The following PEPD variants were observed in gnomAD, a reference collection of about 807,000 sequenced individuals.
The protein encoded by PEPD is xaa-Pro dipeptidase.
PEPD carries 53 observed loss-of-function variants against 60.7 expected under a neutral mutation model. The ratio of observed to expected loss-of-function variants is 0.87; its 90% CI spans 0.70 to 1.10. The LOEUF (loss-of-function observed/expected upper bound fraction) is 1.10, where lower values mean the gene tolerates loss of function less well. Among genes scored for constraint, PEPD ranks in the 50% least tolerant of loss-of-function variants. PEPD has a pLI of 0.00. For missense variants in PEPD, 711 were observed against 711.9 expected (o/e 1.00, Z 0.01); for synonymous variants, 267 against 284.1 (o/e 0.94, Z 0.60).
chr19:33,481,611 A>G (rs1172845705), intron 6 of PEPD, among the ~76,000 whole-genome samples: 1 of 152,170 alleles, frequency 6.6e-6, no homozygotes, highest in African/African-American at 2.4e-5. Flanking sequence ...ACAGACCTTA[A>G]CAAGAGATCA....
intron 9 of PEPD, among the ~76,000 whole-genome samples, chr19:33,425,593 ATTTATC>A (rs1345546431): frequency 6.6e-6 from 1 of 152,188 alleles, no homozygotes; most frequent in African/African-American, 2.4e-5. Context: ...TGCACTAGGT[ATTTATC>A]TTGAAGCGCT....
At chr19:33,497,225 A>G (rs925294607) in intron 4 of PEPD, among the ~76,000 whole-genome samples, 6 of 152,190 alleles carry the variant, frequency 3.9e-5, no homozygotes, top group African/African-American at 7.2e-5. Flanking sequence ...ATCGCTTCCG[A>G]TGCCTGTCCC....
chr19:33,504,258 G>A (rs1970760991), intron 3 of PEPD, among the ~76,000 whole-genome samples: 1 of 152,218 alleles, frequency 6.6e-6, no homozygotes, highest in Non-Finnish European at 1.5e-5. Flanking sequence ...GATTTGGTGG[G>A]GTTGATGAGA....
rs542490686 is a variant in PEPD, at chr19:33,500,827, G to T, written c.393+111C>A. ...GCGGCGCAGGGACTGGTGGCCAGGT[G>T]GTAGTGTCCCTGACATCCAGCAAGG... On this transcript the variant is annotated intron_variant, in intron 4 of 14. Transcript: ENST00000244137. 7.2e-5 allele frequency: 56 copies of T among 774,884 alleles called. 1 individual carries two copies. Among genetic ancestry groups the T allele is most frequent in the South Asian group, 5.8e-4 (43 of 74,438 alleles). The allele number at this position is 774,884 out of a possible 1,614,324, so 48.0% of individuals were successfully genotyped here. A position where few individuals can be genotyped will look rare whatever the true frequency, so the allele number is the denominator to read the frequency against.
At chr19:33,506,436 CCA>C (rs202246007) in intron 3 of PEPD, among the ~76,000 whole-genome samples, 1,458 of 144,452 alleles carry the variant, frequency 0.01, 32 homozygotes, top group African/African-American at 0.035. Flanking sequence ...CTACACACAC[CCA>C]CACACAACAC....
chr19:33,420,388 T>C (rs1157419599), intron 9 of PEPD, among the ~76,000 whole-genome samples: 2 of 152,154 alleles, frequency 1.3e-5, no homozygotes, highest in African/African-American at 4.8e-5. Flanking sequence ...CACAGATTAA[T>C]ATTTAATAAT....
chr19:33,402,306 C>T (rs769650642), intron 11 of PEPD, among the ~76,000 whole-genome samples: 2 of 152,242 alleles, frequency 1.3e-5, no homozygotes, highest in African/African-American at 2.4e-5. Context: ...GGTCTCCCTG[C>T]ACCCAGCACA....
rs113941720 is a variant in PEPD, at chr19:33,410,029, G to C, written c.818+1643C>G. 2.4e-4 allele frequency among the ~76,000 whole-genome samples: 36 copies of C among 152,370 alleles called. 2 individuals carry two copies. Among genetic ancestry groups the C allele is most frequent in the African/African-American group, 7.9e-4 (33 of 41,598 alleles). The stretch of plus-strand genomic sequence containing the variant: ...AGCCCCGAGCACGGTGGCTACGCAG[G>C]GGGGACTGGGGACTCGCCCACCATT... On this transcript the variant is annotated intron_variant, in intron 11 of 14. Coordinates refer to ENST00000244137, the MANE Select transcript of PEPD (RefSeq NM_000285.4).
rs571699576 is a variant in PEPD, at chr19:33,491,461, T to C, written c.442-1404A>G. Among the ~76,000 whole-genome samples the C allele has an allele frequency of 2.9e-4, 44 of 152,308 alleles. 2 individuals are homozygous for C. The South Asian group carries it at 7.3e-3, about 25-fold the overall frequency. ...CAAAACTCCATGTTTGAAATGTTTG[T>C]TCTTCAGTGCCATAAAGAAATAGCA... On this transcript the variant is annotated intron_variant, in intron 5 of 14. Transcript: ENST00000244137.
chr19:33,403,204 GAC>G (rs151144184), intron 11 of PEPD, among the ~76,000 whole-genome samples: 153 of 152,328 alleles, frequency 1.0e-3, no homozygotes, highest in Middle Eastern at 3.4e-3. Flanking sequence ...GCAGGCAGCA[GAC>G]ACAGAGCGGA....
rs768678894 is a variant in PEPD at position 33,401,883 on chromosome 19, A to T, written c.819-14T>A. The T allele has an allele frequency of 1.4e-5, 22 of 1,612,304 alleles. No homozygotes were observed. Among genetic ancestry groups the T allele is most frequent in the Non-Finnish European group, 1.9e-5 (22 of 1,179,612 alleles). ...ATGTCGAACAGGCTGCGGAGAGAGG[A>T]AGGCAGGGCAAGTGGGTACTGGGGT... is the stretch of plus-strand genomic sequence containing the variant. On this transcript the variant is annotated splice_polypyrimidine_tract_variant and intron_variant, in intron 11 of 14. Coordinates refer to ENST00000244137, the MANE Select transcript of PEPD (RefSeq NM_000285.4).
chr19:33,476,379 T>C (rs921742327), intron 7 of PEPD, among the ~76,000 whole-genome samples: 2 of 152,300 alleles, frequency 1.3e-5, no homozygotes, highest in African/African-American at 4.8e-5. Context: ...GTCCCAGATC[T>C]GCCCCGGTAT....
In PEPD at chr19:33,464,071, A is replaced by G. The variant is rs749076853; in HGVS notation, c.549-9T>C. On this transcript the variant is annotated splice_polypyrimidine_tract_variant and intron_variant, in intron 7 of 14. Transcript: ENST00000244137. ...CCGTCTTAAACACTCGGCTTCAGAGACAGAAGAACAAAGCAGCAAATCAGT... is the reference window on the plus strand; with the variant it reads ...CCGTCTTAAACACTCGGCTTCAGAGGCAGAAGAACAAAGCAGCAAATCAGT... 1.1e-5 allele frequency: 17 copies of G among 1,605,990 alleles called. 1 individual carries two copies. In the South Asian group the frequency reaches 1.3e-4, roughly 12 times the overall value.
intron 1 of PEPD, among the ~76,000 whole-genome samples, chr19:33,516,472 G>A (rs1971024525): frequency 6.6e-6 from 1 of 152,042 alleles, no homozygotes; most frequent in South Asian, 2.1e-4. Flanking sequence ...CGCTGCCCTG[G>A]AAACAACCAA....
chr19:33,421,534 A>G (rs1013250215), intron 9 of PEPD, among the ~76,000 whole-genome samples: 7 of 152,320 alleles, frequency 4.6e-5, no homozygotes, highest in African/African-American at 1.7e-4. Context: ...TCTGTTGCTC[A>G]GGCTGGAGTG....
chr19:33,446,009 A>G (rs1010942589), intron 9 of PEPD, among the ~76,000 whole-genome samples: 2 of 152,188 alleles, frequency 1.3e-5, no homozygotes, highest in African/African-American at 4.8e-5. Flanking sequence ...CCGCCTGTCC[A>G]AACCACCTGG....
chr19:33,420,154 C>T (rs756922886), intron 9 of PEPD, among the ~76,000 whole-genome samples: 3 of 152,164 alleles, frequency 2.0e-5, no homozygotes, highest in Admixed American at 6.5e-5. Flanking sequence ...GGTTGAGTTT[C>T]GGAGTTCCTC....
intron 11 of PEPD, among the ~76,000 whole-genome samples, chr19:33,403,505 G>A (rs1170115035): frequency 2.0e-5 from 3 of 152,170 alleles, no homozygotes; most frequent in Non-Finnish European, 4.4e-5. Context: ...CAGCTCTCAC[G>A]GTAAACACAA....
chr19:33,443,286 G>A (rs1004067478), intron 9 of PEPD, among the ~76,000 whole-genome samples: 12 of 152,310 alleles, frequency 7.9e-5, no homozygotes, highest in Admixed American at 2.6e-4. Context: ...TCCCTCGTAT[G>A]GCTAGACTGC....
Sources: allele counts gnomAD v4.1 joint callset (sites outside exome capture counted in the v4.1 genomes callset), GRCh38; gene constraint gnomAD v4.1.1; transcripts MANE v1.5; gene names NCBI Gene and HGNC (gene_info 2026-07-23, HGNC 2026-07-21).